Variants in NEBL observed in about 807,000 individuals in gnomAD.
NEBL encodes the protein nebulette, also known as LIM and SH3 protein 2.
Under a neutral mutation model 140.2 loss-of-function variants are expected in NEBL, and 122 were observed. The observed-to-expected ratio is 0.87, with a 90% CI of 0.75 to 1.01. The LOEUF (loss-of-function observed/expected upper bound fraction) is 1.01. Among genes scored for constraint, NEBL ranks in the 50% least tolerant of loss-of-function variants. The pLI, the probability that NEBL is intolerant of heterozygous loss-of-function variation, is 0.00. For synonymous variants in NEBL, 436 were observed against 398.9 expected (o/e 1.09, Z -1.11); for missense variants, 1,365 against 1,231.3 (o/e 1.11, Z -1.62).
rs146308690 is a variant in NEBL at position 20,921,260 on chromosome 10, G to A, written c.357+40412C>T. On this transcript the variant is annotated intron_variant, in intron 4 of 6. Transcript: ENST00000417816. ...AATAAGGACAAATTCACACACACACGCACCTACCTGAGTATTCTCCATTTG... is the reference window on the plus strand; with the variant it reads ...AATAAGGACAAATTCACACACACACACACCTACCTGAGTATTCTCCATTTG... Among the ~76,000 whole-genome samples the A allele has an allele frequency of 7.6e-3, 1,155 of 151,938 alleles. 12 individuals carry two copies. The highest frequency in any genetic ancestry group is 0.026 in the African/African-American group (1,091 of 41,446).
At chr10:20,792,873 C>T (rs796495768) in intron 26 of NEBL, among the ~76,000 whole-genome samples, 6 of 151,862 alleles carry the variant, frequency 4.0e-5, no homozygotes, top group Non-Finnish European at 8.8e-5. Context: ...TTATAACACA[C>T]GGCCATGGTA....
chr10:20,891,966 G>T (rs1357907498), intron 2 of NEBL, among the ~76,000 whole-genome samples: 3 of 152,064 alleles, frequency 2.0e-5, no homozygotes, highest in Admixed American at 2.0e-4. Flanking sequence ...TCATTGAAAG[G>T]GAACTATATT....
At chr10:20,815,533 A>G (rs1263178503) in intron 22 of NEBL, 92 bp downstream of exon 22, 1 of 1,053,554 alleles carries the variant, frequency 9.5e-7, no homozygotes, top group African/African-American at 1.6e-5. Flanking sequence ...TTTCTTGAAA[A>G]TAAGTTTTAT....
At chr10:21,031,556 C>A (rs958911840) in intron 2 of NEBL, among the ~76,000 whole-genome samples, 7 of 152,134 alleles carry the variant, frequency 4.6e-5, no homozygotes, top group African/African-American at 1.7e-4. Context: ...GTGTTCTCCC[C>A]AAAACAAAAA....
At chr10:21,242,765 G>A (rs1842458005) in intron 3 of NEBL, among the ~76,000 whole-genome samples, 1 of 152,112 alleles carries the variant, frequency 6.6e-6, no homozygotes, top group African/African-American at 2.4e-5. Context: ...GTGGCTAAAA[G>A]AATTGACTGT....
rs142567026 is a variant in NEBL at position 21,169,881 on chromosome 10, T to C, written c.164+2502A>G. Among the ~76,000 whole-genome samples, 497 of 152,254 alleles carry C rather than the reference T, an allele frequency of 3.3e-3. 1 individual carries two copies. Among genetic ancestry groups the C allele is most frequent in the African/African-American group, 0.011 (462 of 41,524 alleles). ...AAAATCTATAAACATTCTATACAGGTATGTTGAGAGTATTAAAAATAAGGT... is the reference window on the plus strand; with the variant it reads ...AAAATCTATAAACATTCTATACAGGCATGTTGAGAGTATTAAAAATAAGGT... On this transcript the variant is annotated intron_variant, in intron 2 of 6. Transcript: ENST00000417816.
At chr10:21,163,210 T>C (rs182219800) in intron 2 of NEBL, among the ~76,000 whole-genome samples, 28 of 152,280 alleles carry the variant, frequency 1.8e-4, no homozygotes, top group African/African-American at 6.3e-4. Flanking sequence ...ACCCAGTTTT[T>C]TTTCCTATAA....
intron 2 of NEBL, among the ~76,000 whole-genome samples, chr10:21,094,032 C>A (rs111319540): frequency 0.032 from 4,920 of 152,240 alleles, 276 homozygotes; most frequent in African/African-American, 0.11. Flanking sequence ...CACTACTCAA[C>A]TTAATTTGTT....
intron 2 of NEBL, among the ~76,000 whole-genome samples, chr10:21,129,136 C>G (rs1379244815): frequency 6.6e-6 from 1 of 151,940 alleles, no homozygotes; most frequent in African/African-American, 2.4e-5. Flanking sequence ...AATACACCTG[C>G]CTTGCAAGAA....
chr10:21,046,128 A>G (rs543557643), intron 2 of NEBL, among the ~76,000 whole-genome samples: 1 of 152,362 alleles, frequency 6.6e-6, no homozygotes, highest in Admixed American at 6.5e-5. Flanking sequence ...TAAGCCAGGC[A>G]CAGAAAGATA....
intron 13 of NEBL, among the ~76,000 whole-genome samples, chr10:20,837,816 A>G (rs1291418367): frequency 6.6e-6 from 1 of 152,214 alleles, no homozygotes; most frequent in African/African-American, 2.4e-5. Flanking sequence ...AGGGTCTTTA[A>G]GAATTATGCT....
intron 4 of NEBL, among the ~76,000 whole-genome samples, chr10:20,937,335 C>T (rs1589040388): frequency 6.6e-6 from 1 of 152,108 alleles, no homozygotes; most frequent in East Asian, 1.9e-4. Flanking sequence ...ATTCATCCTC[C>T]CAACTTAAAA....
At chr10:21,232,875 A>C (rs1475038493) in intron 3 of NEBL, among the ~76,000 whole-genome samples, 1 of 152,226 alleles carries the variant, frequency 6.6e-6, no homozygotes, top group African/African-American at 2.4e-5. Context: ...GCTCTATCAG[A>C]AGTTGCAGTA....
chr10:21,192,435 G>A (rs1841588433), intron 3 of NEBL, among the ~76,000 whole-genome samples: 1 of 151,538 alleles, frequency 6.6e-6, no homozygotes, highest in Non-Finnish European at 1.5e-5. Context: ...CTCATGATCT[G>A]CCTGCCTTGG....
intron 3 of NEBL, among the ~76,000 whole-genome samples, chr10:21,002,169 T>C (rs996966887): frequency 2.0e-5 from 3 of 152,082 alleles, no homozygotes; most frequent in African/African-American, 7.2e-5. Context: ...GGAGGGTTTT[T>C]TTTTTTATGG....
At chr10:20,962,524 C>T (rs1836101823) in intron 3 of NEBL, among the ~76,000 whole-genome samples, 1 of 152,148 alleles carries the variant, frequency 6.6e-6, no homozygotes, top group Non-Finnish European at 1.5e-5. Context: ...TAATTACAAC[C>T]CAATGGAGCT....
intron 26 of NEBL, among the ~76,000 whole-genome samples, chr10:20,796,317 C>G (rs934485233): frequency 3.6e-5 from 5 of 139,978 alleles, no homozygotes; most frequent in Non-Finnish European, 7.5e-5. Context: ...CGAGATTGCA[C>G]CATTGCACTC....
At chr10:21,116,014 C>T (rs1280975021) in intron 2 of NEBL, among the ~76,000 whole-genome samples, 1 of 151,324 alleles carries the variant, frequency 6.6e-6, no homozygotes, top group African/African-American at 2.4e-5. Flanking sequence ...GCTGTTTATC[C>T]CTCTCATGTA....
chr10:20,797,897 T>C (rs756840883), intron 26 of NEBL, among the ~76,000 whole-genome samples: 7 of 151,784 alleles, frequency 4.6e-5, no homozygotes, highest in Non-Finnish European at 1.0e-4. Flanking sequence ...GGCCAGGAGT[T>C]CAAAACCAGC....
Sources: gnomAD v4.1 joint callset for allele counts (sites outside exome capture counted in the v4.1 genomes callset) on GRCh38, gnomAD v4.1.1 for gene constraint, MANE v1.5 for transcripts, NCBI Gene and HGNC (gene_info 2026-07-23, HGNC 2026-07-21) for gene names.